MSRB3: variants seen among roughly 807,000 people sequenced by gnomAD.
MSRB3 encodes methionine-R-sulfoxide reductase B3.
Under a neutral mutation model 21.0 loss-of-function variants are expected in MSRB3, and 13 were observed. The ratio of observed to expected loss-of-function variants is 0.62; its 90% CI spans 0.40 to 0.98. MSRB3 has a LOEUF of 0.98. Ranked by LOEUF, MSRB3 falls within the 50% of genes least tolerant of loss-of-function variation. The probability of loss-of-function intolerance (pLI) is 0.00; values close to 1 mark genes in which losing one functional copy is unlikely to be tolerated. For missense variants in MSRB3, 199 were observed against 230.3 expected (o/e 0.86, Z 0.88); for synonymous variants, 87 against 88.6 (o/e 0.98, Z 0.10).
chr12:65,428,204 C>T (rs927936464), intron 5 of MSRB3, among the ~76,000 whole-genome samples: 10 of 152,216 alleles, frequency 6.6e-5, no homozygotes, highest in Non-Finnish European at 1.5e-4. Flanking sequence ...TGGTGGTTTT[C>T]ACCACATGGC....
chr12:65,306,461 T>G (rs1817819332), intron 1 of MSRB3, among the ~76,000 whole-genome samples: 1 of 152,194 alleles, frequency 6.6e-6, no homozygotes, highest in African/African-American at 2.4e-5. Context: ...TGCATGCATT[T>G]TGCAAACTTC....
At chr12:65,356,242 A>T (rs773819913) in intron 4 of MSRB3, among the ~76,000 whole-genome samples, 1 of 151,944 alleles carries the variant, frequency 6.6e-6, no homozygotes, top group Non-Finnish European at 1.5e-5. Context: ...AATTTGATTC[A>T]TGTGTTCAGA....
At chr12:65,287,314 G>A (rs1421335894) in intron 1 of MSRB3, among the ~76,000 whole-genome samples, 1 of 151,932 alleles carries the variant, frequency 6.6e-6, no homozygotes, top group Non-Finnish European at 1.5e-5. Context: ...TTTATGTAGA[G>A]ATAGGGTCTC....
chr12:65,337,701 G>A (rs1875874983), intron 4 of MSRB3, among the ~76,000 whole-genome samples: 1 of 152,030 alleles, frequency 6.6e-6, no homozygotes, highest in African/African-American at 2.4e-5. Context: ...ATGCAAATCT[G>A]AAGTTCTCAA....
At chr12:65,280,026 T>C (rs953168998) in intron 1 of MSRB3, among the ~76,000 whole-genome samples, 5 of 152,206 alleles carry the variant, frequency 3.3e-5, no homozygotes, top group Admixed American at 1.3e-4. Flanking sequence ...CTATGAAGCA[T>C]AGATTATATT....
intron 5 of MSRB3, among the ~76,000 whole-genome samples, chr12:65,450,845 C>T (rs1026172560): frequency 6.6e-6 from 1 of 152,102 alleles, no homozygotes; most frequent in East Asian, 1.9e-4. Flanking sequence ...TGAAGAGTTC[C>T]TTCTTTAAAT....
intron 1 of MSRB3, among the ~76,000 whole-genome samples, chr12:65,301,226 A>C (rs912698434): frequency 2.6e-5 from 4 of 152,224 alleles, no homozygotes; most frequent in African/African-American, 9.6e-5. Flanking sequence ...CTTTATTATA[A>C]GGTTATAAGA....
intron 5 of MSRB3, among the ~76,000 whole-genome samples, chr12:65,434,962 G>T (rs577120123): frequency 1.3e-5 from 2 of 151,904 alleles, no homozygotes; most frequent in South Asian, 2.1e-4. Context: ...AGACCAGTTA[G>T]ATGTTATCTA....
intron 2 of MSRB3, among the ~76,000 whole-genome samples, chr12:65,312,987 A>G (rs1272753339): frequency 6.6e-6 from 1 of 152,106 alleles, no homozygotes; most frequent in Non-Finnish European, 1.5e-5. Flanking sequence ...TTGCATTAAT[A>G]CAATACAGGG....
At chr12:65,307,065 GA>G in intron 1 of MSRB3, 1 of 983,110 alleles carries the variant, frequency 1.0e-6, no homozygotes, top group Non-Finnish European at 1.2e-6. Flanking sequence ...TCCTCACAGA[GA>G]AGGGTCACAG....
chr12:65,422,961 C>CTTTTTTTT, intron 5 of MSRB3, among the ~76,000 whole-genome samples: 1 of 124,334 alleles, frequency 8.0e-6, no homozygotes, highest in Non-Finnish European at 1.6e-5. Context: ...TTAGGGTTTT[C>CTTTTTTTT]TTTTTTTTTT....
Position 65,278,875 on chromosome 12 carries a change from G to C in MSRB3, c.-52+10G>C. ...GGAAGTGCGCAGTCCGGTAAGTTCGGGCTCCCCTCCCCTCTCCTCCTCGCC... is the reference window on the plus strand; with the variant it reads ...GGAAGTGCGCAGTCCGGTAAGTTCGCGCTCCCCTCCCCTCTCCTCCTCGCC... On this transcript the variant is annotated intron_variant, in intron 1 of 6. Transcript: ENST00000308259. 2 of 1,553,652 alleles carry C rather than the reference G, an allele frequency of 1.3e-6. No individual in the cohort carries two copies. Among genetic ancestry groups the C allele is most frequent in the Non-Finnish European group, 1.7e-6 (2 of 1,148,232 alleles).
chr12:65,350,848 C>T (rs1876927941), intron 4 of MSRB3, among the ~76,000 whole-genome samples: 2 of 145,818 alleles, frequency 1.4e-5, no homozygotes, highest in African/African-American at 5.4e-5. Context: ...CTTAGACTCC[C>T]ACACATTAAT....
intron 5 of MSRB3, among the ~76,000 whole-genome samples, chr12:65,445,225 C>A (rs1882560180): frequency 6.6e-6 from 1 of 152,064 alleles, no homozygotes; most frequent in African/African-American, 2.4e-5. Context: ...TATAAACTCT[C>A]CCCTGCTTCC....
At chr12:65,421,322 C>T (rs983466508) in intron 5 of MSRB3, among the ~76,000 whole-genome samples, 7 of 151,732 alleles carry the variant, frequency 4.6e-5, no homozygotes, top group African/African-American at 1.5e-4. Flanking sequence ...TTGTTTTTTT[C>T]TTGTACATTT....
chr12:65,394,115 T>C (rs921428409), intron 5 of MSRB3, among the ~76,000 whole-genome samples: 2 of 152,194 alleles, frequency 1.3e-5, no homozygotes, highest in Non-Finnish European at 2.9e-5. Flanking sequence ...AACATGTTTG[T>C]ATGTATGCAT....
intron 4 of MSRB3, among the ~76,000 whole-genome samples, chr12:65,360,327 T>G (rs192007292): frequency 6.6e-6 from 1 of 152,094 alleles, no homozygotes; most frequent in South Asian, 2.1e-4. Flanking sequence ...TTATTCTCAG[T>G]AGATAAAAGG....
intron 5 of MSRB3, among the ~76,000 whole-genome samples, chr12:65,375,800 GC>G (rs1878578398): frequency 6.6e-6 from 1 of 151,448 alleles, no homozygotes; most frequent in Non-Finnish European, 1.5e-5. Flanking sequence ...TACTTAGGAA[GC>G]TTTTTTTTTT....
At chr12:65,322,977 A>G (rs922997125) in intron 2 of MSRB3, among the ~76,000 whole-genome samples, 3 of 152,190 alleles carry the variant, frequency 2.0e-5, no homozygotes, top group African/African-American at 7.2e-5. Flanking sequence ...AGGTGTGAGG[A>G]AAATACTGTT....
Sources: gnomAD v4.1 joint callset for allele counts (sites outside exome capture counted in the v4.1 genomes callset) on GRCh38, gnomAD v4.1.1 for gene constraint, MANE v1.5 for transcripts, NCBI Gene and HGNC (gene_info 2026-07-23, HGNC 2026-07-21) for gene names.